Variants in CHRNA2 observed in about 807,000 individuals in gnomAD.
The protein encoded by CHRNA2 is neuronal acetylcholine receptor subunit alpha-2.
In CHRNA2, 40 loss-of-function variants were observed where a neutral mutation model predicts 45.5. The ratio of observed to expected loss-of-function variants is 0.88; its 90% CI spans 0.68 to 1.15. The LOEUF (loss-of-function observed/expected upper bound fraction) is 1.15, where lower values mean the gene tolerates loss of function less well. Ranked by LOEUF, CHRNA2 falls within the 50% of genes most tolerant of loss-of-function variation. CHRNA2 has a pLI of 0.00. For synonymous variants in CHRNA2, 301 were observed against 296.7 expected (o/e 1.01, Z -0.15); for missense variants, 655 against 701.7 (o/e 0.93, Z 0.75).
rs748886161 is a variant in CHRNA2, at chr8:27,471,075, C to G, written c.-17G>C. 1.9e-6 allele frequency: 3 copies of G among 1,613,046 alleles called. No homozygotes were observed. Among genetic ancestry groups the G allele is most frequent in the Non-Finnish European group, 1.7e-6 (2 of 1,179,146 alleles). ...GGGGCCCATGGCTTCTCCTGAGCATCAGGAGGTCAGGTCAGGGCTTTGCTG... is the reference window on the plus strand; with the variant it reads ...GGGGCCCATGGCTTCTCCTGAGCATGAGGAGGTCAGGTCAGGGCTTTGCTG... On this transcript the variant is annotated 5_prime_UTR_variant, in exon 2 of 7. Coordinates refer to ENST00000407991, the MANE Select transcript of CHRNA2 (RefSeq NM_000742.4).
chr8:27,467,151 G>T (rs1812720811), intron 5 of CHRNA2, 78 bp downstream of exon 5: 9 of 1,103,632 alleles, frequency 8.2e-6, no homozygotes, highest in Non-Finnish European at 1.3e-5. Context: ...ACACCAGGGG[G>T]GCCCCTCCCA....
At position 27,467,294 on chromosome 8, in the gene CHRNA2, G is replaced by A; in HGVS notation, c.384C>T (p.Gly128=). The A allele has an allele frequency of 6.2e-7, 1 of 1,614,040 alleles. No homozygotes were observed. The highest frequency in any genetic ancestry group is 8.5e-7 in the Non-Finnish European group (1 of 1,179,882). The part of the protein sequence containing the change: ...YKLRWNPTDF[G]NITSLRVPSE... ...AAGGGACCCTGAGAGATGTGATGTTGCCAAAATCAGTGGGGTTCCAGCGCA... is the reference window on the plus strand; with the variant it reads ...AAGGGACCCTGAGAGATGTGATGTTACCAAAATCAGTGGGGTTCCAGCGCA... The change falls in exon 5 of 7, where the codon GGC becomes GGT. Residue 128 remains glycine (G), a synonymous_variant. Coordinates refer to ENST00000407991, the MANE Select transcript of CHRNA2 (RefSeq NM_000742.4).
chr8:27,469,647 C>T (rs1586398739), intron 3 of CHRNA2, 114 bp downstream of exon 3: 4 of 1,367,956 alleles, frequency 2.9e-6, no homozygotes, highest in Non-Finnish European at 4.1e-6. Flanking sequence ...CCAACCCCAC[C>T]CCAAGTCACT....
intron 1 of CHRNA2, among the ~76,000 whole-genome samples, chr8:27,471,521 G>T (rs1812882263): frequency 6.6e-6 from 1 of 152,208 alleles, no homozygotes. Flanking sequence ...GTCAATAAAA[G>T]GATCAGGGTA....
intron 3 of CHRNA2, 111 bp downstream of exon 3, chr8:27,469,650 A>C (rs1270652301): frequency 7.3e-7 from 1 of 1,365,252 alleles, no homozygotes; most frequent in Non-Finnish European, 1.0e-6. Flanking sequence ...ACCCCACCCC[A>C]AGTCACTGCT....
At chr8:27,474,931 G>A (rs1275737896) in intron 1 of CHRNA2, among the ~76,000 whole-genome samples, 1 of 152,218 alleles carries the variant, frequency 6.6e-6, no homozygotes, top group Non-Finnish European at 1.5e-5. Flanking sequence ...GCAGACCATT[G>A]CAAAGGAAAC....
chr8:27,463,744 G>C lies in CHRNA2; in HGVS notation c.699C>G (p.Ile233Met). 2 of 1,614,112 alleles carry C rather than the reference G, an allele frequency of 1.2e-6. No homozygotes were observed. Among genetic ancestry groups the C allele is most frequent in the South Asian group, 1.1e-5 (1 of 91,076 alleles). ...KDYWESGEWAIVNATGTYNSK... is the reference protein window; with the variant it reads ...KDYWESGEWAMVNATGTYNSK... ...TGTTGTAGGTGCCCGTGGCATTGAC[G>C]ATGGCCCACTCGCCGCTCTCCCAGT... is the stretch of plus-strand genomic sequence containing the variant. The change falls in exon 6 of 7, where the codon ATC becomes ATG. Residue 233 changes from isoleucine (I) to methionine (M), a missense_variant. Around this residue, in one of 3 missense-constraint regions of CHRNA2, gnomAD observed 323 missense variants for 354.4 expected, o/e 0.91. Coordinates refer to ENST00000407991, the MANE Select transcript of CHRNA2 (RefSeq NM_000742.4). The surrounding 1 kb of genome is among the most constrained non-coding windows in gnomAD (Gnocchi z 6.1).
chr8:27,466,268 A>G (rs1236213674), intron 5 of CHRNA2, among the ~76,000 whole-genome samples: 2 of 152,208 alleles, frequency 1.3e-5, no homozygotes, highest in Non-Finnish European at 2.9e-5. Context: ...TGAAGACACA[A>G]AATCCAGAAA....
intron 1 of CHRNA2, among the ~76,000 whole-genome samples, chr8:27,474,701 C>G (rs1427256049): frequency 6.6e-6 from 1 of 152,262 alleles, no homozygotes; most frequent in African/African-American, 2.4e-5. Context: ...GTTCACACAG[C>G]AAACCCTGCA....
At chr8:27,461,785 G>T (rs533118782) in intron 6 of CHRNA2, 31 bp from the exon 7 acceptor site, 3 of 1,613,830 alleles carry the variant, frequency 1.9e-6, no homozygotes, top group Non-Finnish European at 1.7e-6. Context: ...AGTGACAGGG[G>T]CCAGGCCTGG....
chr8:27,464,055 CAGAG>C (rs1158056432), intron 5 of CHRNA2, 62 bp from the exon 6 acceptor site: 23 of 1,593,656 alleles, frequency 1.4e-5, no homozygotes, highest in African/African-American at 2.7e-5. Context: ...CCAGGCTACT[CAGAG>C]AGCTGGCAGC....
At position 27,478,921 on chromosome 8, in the gene CHRNA2, G is replaced by A. The variant is rs1416847144; in HGVS notation, c.-234C>T. Reference sequence around the variant, plus strand: ...TGACAAAAGTCACCCCAGAAATAGAGTGGCAGGTACAGAATAGAGCTCAGT... The same window carrying A: ...TGACAAAAGTCACCCCAGAAATAGAATGGCAGGTACAGAATAGAGCTCAGT... On this transcript the variant is annotated 5_prime_UTR_variant, in exon 1 of 7. Coordinates refer to ENST00000407991, the MANE Select transcript of CHRNA2 (RefSeq NM_000742.4). The A allele has an allele frequency of 6.6e-6, 1 of 152,238 alleles. No homozygotes were observed. The highest frequency in any genetic ancestry group is 6.5e-5 in the Admixed American group (1 of 15,270). The allele number at this position is 152,238 out of a possible 1,614,324, so 9.4% of individuals were successfully genotyped here. A position where few individuals can be genotyped will look rare whatever the true frequency, so the allele number is the denominator to read the frequency against.
In CHRNA2 at chr8:27,467,246, G is replaced by A; in HGVS notation, c.432C>T (p.Asp144=). ...RVPSEMIWIP[D]IVLYNNADGE... ...CTTCCTACTTGTTGTAGAGAACAAT[G>A]TCGGGGATCCAGATCATCTCAGAAG... The change falls in exon 5 of 7, where the codon GAC becomes GAT. Residue 144 remains aspartate (D), a synonymous_variant. Transcript: ENST00000407991. The A allele has an allele frequency of 2.5e-6, 4 of 1,613,434 alleles. No individual in the cohort carries two copies. Among genetic ancestry groups the A allele is most frequent in the Non-Finnish European group, 3.4e-6 (4 of 1,179,358 alleles).
In CHRNA2 at chr8:27,463,819, C is replaced by G; in HGVS notation, c.624G>C (p.Lys208Asn). 1 of 1,614,216 alleles carries G rather than the reference C, an allele frequency of 6.2e-7. No individual in the cohort carries two copies. The change falls in exon 6 of 7, where the codon AAG (lysine) becomes AAC (asparagine). Residue 208 changes from lysine (K) to asparagine (N), a missense_variant. This residue lies in a region of CHRNA2 where 323 missense variants were observed against 354.4 expected (regional missense o/e 0.91). Coordinates refer to ENST00000407991, the MANE Select transcript of CHRNA2 (RefSeq NM_000742.4). The surrounding 1 kb of genome is among the most constrained non-coding windows in gnomAD (Gnocchi z 6.1). ...KMKFGSWTYD[K>N]AKIDLEQMEQ... ...CCATCTGCTCCAGGTCGATCTTGGC[C>G]TTGTCATAAGTCCAGGAGCCAAACT...
intron 1 of CHRNA2, among the ~76,000 whole-genome samples, chr8:27,478,344 A>T (rs185308414): frequency 2.6e-4 from 39 of 152,372 alleles, no homozygotes; most frequent in African/African-American, 9.4e-4. Context: ...CTTGAAGGTC[A>T]TCTGAACAAC....
chr8:27,478,463 T>C (rs879670832), intron 1 of CHRNA2, among the ~76,000 whole-genome samples: 4 of 152,192 alleles, frequency 2.6e-5, no homozygotes, highest in Non-Finnish European at 5.9e-5. Flanking sequence ...AGTCAGTAAA[T>C]AGCATTGCTG....
chr8:27,475,221 T>C (rs931362947), intron 1 of CHRNA2: 9 of 152,172 alleles, frequency 5.9e-5, no homozygotes, highest in African/African-American at 2.2e-4. Flanking sequence ...ACCCAAACTG[T>C]GTAGATTTGA....
intron 6 of CHRNA2, among the ~76,000 whole-genome samples, chr8:27,462,296 T>C (rs1006941154): frequency 6.6e-6 from 1 of 152,138 alleles, no homozygotes; most frequent in Non-Finnish European, 1.5e-5. Flanking sequence ...ACATCATGAT[T>C]AATTTTCTTG....
At chr8:27,470,904 T>C (rs2132670073) in intron 2 of CHRNA2, 82 bp downstream of exon 2, 1 of 1,428,284 alleles carries the variant, frequency 7.0e-7, no homozygotes, top group Non-Finnish European at 9.8e-7. Context: ...TTGCAACACA[T>C]CCACCTGCAG....
Sources: gnomAD v4.1 joint callset for allele counts (sites outside exome capture counted in the v4.1 genomes callset) on GRCh38, gnomAD v4.1.1 for gene constraint, gnomAD v4.1.1 regional missense constraint, Gnocchi (gnomAD v3.1) non-coding constraint, MANE v1.5 for transcripts, NCBI Gene and HGNC (gene_info 2026-07-23, HGNC 2026-07-21) for gene names.